Variants in OR56A3 observed in about 807,000 individuals in gnomAD.
OR56A3 encodes the protein olfactory receptor 56A3.
In OR56A3, 23 loss-of-function variants were observed where a neutral mutation model predicts 17.5. The ratio of observed to expected loss-of-function variants is 1.32; its 90% confidence interval spans 0.95 to 1.87. The LOEUF is 1.87. Ranked by LOEUF, OR56A3 falls within the 40% of genes most tolerant of loss-of-function variation. The probability of loss-of-function intolerance (pLI) is 0.00; values close to 1 mark genes in which losing one functional copy is unlikely to be tolerated. For synonymous variants in OR56A3, 175 were observed against 150.6 expected, an observed-to-expected ratio of 1.16 and a Z score of -1.19; for missense variants, 366 against 380.1, an observed-to-expected ratio of 0.96 and a Z score of 0.31.
the OR56A3 span, chr11:6,000,149 A>G: frequency 4.6e-5 from 7 of 152,252 alleles, no homozygotes; most frequent in African/African-American, 1.7e-4. Flanking sequence ...TGCTGCTATA[A>G]AGACACATGC....
chr11:6,016,706 A>C, the OR56A3 span, among the ~76,000 whole-genome samples: 2 of 152,056 alleles, frequency 1.3e-5, no homozygotes, highest in Non-Finnish European at 2.9e-5. Flanking sequence ...AATTTCAAAT[A>C]ATATTATTAA....
At chr11:6,015,035 A>ATATC in the OR56A3 span, among the ~76,000 whole-genome samples, 14 of 147,420 alleles carry the variant, frequency 9.5e-5, no homozygotes, top group African/African-American at 3.5e-4. Flanking sequence ...ACTGGAACTT[A>ATATC]TATCTAAAAG....
chr11:5,986,739 G>C, the OR56A3 span: 1 of 1,613,976 alleles, frequency 6.2e-7, no homozygotes, highest in Non-Finnish European at 8.5e-7. Context: ...AGATGATGAA[G>C]AGAATGGTAA....
the OR56A3 span, among the ~76,000 whole-genome samples, chr11:5,956,884 C>G: frequency 6.6e-6 from 1 of 152,122 alleles, no homozygotes; most frequent in Non-Finnish European, 1.5e-5. Flanking sequence ...AGGCCTGGCG[C>G]GGTGTCTCAC....
chr11:6,010,147 C>A, the OR56A3 span, among the ~76,000 whole-genome samples: 1 of 151,978 alleles, frequency 6.6e-6, no homozygotes, highest in Non-Finnish European at 1.5e-5. Flanking sequence ...TTTATTTAAC[C>A]ATTTTAAACA....
chr11:5,999,540 G>C, the OR56A3 span: 1 of 152,134 alleles, frequency 6.6e-6, no homozygotes, highest in African/African-American at 2.4e-5. Context: ...TAAAATTCCA[G>C]TTCTCCAGAC....
downstream of OR56A3, among the ~76,000 whole-genome samples, chr11:5,952,355 CA>C (rs921496667): frequency 7.2e-5 from 11 of 152,134 alleles, no homozygotes; most frequent in Admixed American, 2.6e-4. Context: ...AAGCTGAAAA[CA>C]TACAGAAGAG....
At chr11:5,960,095 A>C in the OR56A3 span, among the ~76,000 whole-genome samples, 2 of 152,158 alleles carry the variant, frequency 1.3e-5, no homozygotes, top group African/African-American at 4.8e-5. Flanking sequence ...AAAATAAGGA[A>C]GTGTGATGCC....
the OR56A3 span, among the ~76,000 whole-genome samples, chr11:6,005,335 C>T: frequency 6.6e-6 from 1 of 152,080 alleles, no homozygotes; most frequent in Non-Finnish European, 1.5e-5. Context: ...AACAAAAAAA[C>T]CTGCCTTCAT....
the OR56A3 span, chr11:5,985,915 A>T: frequency 6.4e-7 from 1 of 1,566,290 alleles, no homozygotes; most frequent in Non-Finnish European, 8.7e-7. Context: ...GAAGCCTCCG[A>T]AGGAAACAAT....
At chr11:5,960,901 T>G in the OR56A3 span, among the ~76,000 whole-genome samples, 2 of 150,886 alleles carry the variant, frequency 1.3e-5, no homozygotes, top group South Asian at 2.1e-4. Context: ...GAAGAGTGCC[T>G]CTGCCCGGCC....
the OR56A3 span, among the ~76,000 whole-genome samples, chr11:5,977,745 G>T: frequency 6.6e-6 from 1 of 152,112 alleles, no homozygotes; most frequent in Non-Finnish European, 1.5e-5. Context: ...TTTTTGATTT[G>T]TTGCAATTAC....
the OR56A3 span, among the ~76,000 whole-genome samples, chr11:5,965,043 C>T: frequency 6.6e-6 from 1 of 152,128 alleles, no homozygotes; most frequent in Non-Finnish European, 1.5e-5. Context: ...GATAATTGTT[C>T]AAATTATCCA....
the OR56A3 span, among the ~76,000 whole-genome samples, chr11:5,975,277 T>C: frequency 0.25 from 37,839 of 151,972 alleles, 4,775 homozygotes; most frequent in Non-Finnish European, 0.27. Context: ...CACATATGTA[T>C]ACATGTGCCA....
At chr11:6,009,141 A>C in the OR56A3 span, among the ~76,000 whole-genome samples, 1 of 152,338 alleles carries the variant, frequency 6.6e-6, no homozygotes, top group South Asian at 2.1e-4. Flanking sequence ...TCACCAGTTA[A>C]CACAAAGACT....
chr11:5,964,315 G>T, the OR56A3 span, among the ~76,000 whole-genome samples: 1 of 152,170 alleles, frequency 6.6e-6, no homozygotes, highest in African/African-American at 2.4e-5. Context: ...GTTGATGTCT[G>T]CCCATTGAAA....
the OR56A3 span, among the ~76,000 whole-genome samples, chr11:5,959,263 TC>T: frequency 3.5e-4 from 53 of 152,338 alleles, no homozygotes; most frequent in African/African-American, 1.0e-3. Context: ...GCATTCCTTT[TC>T]TCCACATCTC....
the OR56A3 span, among the ~76,000 whole-genome samples, chr11:5,962,664 G>A: frequency 2.6e-5 from 4 of 151,122 alleles, no homozygotes; most frequent in South Asian, 2.1e-4. Context: ...TCAGCCTCCC[G>A]AGTAGCTGGG....
At chr11:5,978,900 A>G in the OR56A3 span, among the ~76,000 whole-genome samples, 1 of 152,120 alleles carries the variant, frequency 6.6e-6, no homozygotes, top group Non-Finnish European at 1.5e-5. Context: ...TTTGATGCCT[A>G]GTTTGTTGCA....
Sources: allele counts gnomAD v4.1 joint callset (sites outside exome capture counted in the v4.1 genomes callset), GRCh38; gene constraint gnomAD v4.1.1; transcripts MANE v1.5; gene names NCBI Gene and HGNC (gene_info 2026-07-23, HGNC 2026-07-21).